Variants in PARD3B observed in about 807,000 individuals in gnomAD.
The protein encoded by PARD3B is partitioning defective 3 homolog B.
A neutral mutation model predicts 130.2 loss-of-function variants in PARD3B; 103 were observed. The observed-to-expected ratio is 0.79, with a 90% CI of 0.67 to 0.93. The LOEUF (loss-of-function observed/expected upper bound fraction) is 0.93, where lower values mean the gene tolerates loss of function less well. PARD3B is among the 40% of genes least tolerant of loss of function. The pLI, the probability that PARD3B is intolerant of heterozygous loss-of-function variation, is 0.00. For synonymous variants in PARD3B, 583 were observed against 553.2 expected (o/e 1.05, Z -0.76); for missense variants, 1,609 against 1,499.2 (o/e 1.07, Z -1.21).
At chr2:205,308,421 A>G (rs1486029413) in intron 18 of PARD3B, among the ~76,000 whole-genome samples, 1 of 152,076 alleles carries the variant, frequency 6.6e-6, no homozygotes, top group Non-Finnish European at 1.5e-5. Flanking sequence ...CCTGGCTAAC[A>G]TGGTGAAACC....
intron 11 of PARD3B, among the ~76,000 whole-genome samples, chr2:205,165,708 G>A (rs1014053063): frequency 6.6e-6 from 1 of 150,392 alleles, no homozygotes. Context: ...ACAAGAGGGA[G>A]AGACTCTGTC....
intron 18 of PARD3B, among the ~76,000 whole-genome samples, chr2:205,371,154 T>A (rs2044800340): frequency 6.6e-6 from 1 of 152,208 alleles, no homozygotes; most frequent in South Asian, 2.1e-4. Flanking sequence ...ATCTTTCCCA[T>A]CACTCTATTA....
intron 21 of PARD3B, among the ~76,000 whole-genome samples, chr2:205,519,547 T>C (rs1288756852): frequency 2.0e-5 from 3 of 152,242 alleles, no homozygotes; most frequent in Non-Finnish European, 4.4e-5. Context: ...ATGATCTTCA[T>C]TCCTATCCAT....
At chr2:205,156,554 AG>A (rs1278108768) in intron 10 of PARD3B, among the ~76,000 whole-genome samples, 15 of 145,706 alleles carry the variant, frequency 1.0e-4, no homozygotes, top group Non-Finnish European at 1.5e-4. Flanking sequence ...AAAAAAAAAA[AG>A]AGAGTCTGAC....
At chr2:205,255,268 A>G (rs1016948040) in intron 16 of PARD3B, among the ~76,000 whole-genome samples, 1 of 152,004 alleles carries the variant, frequency 6.6e-6, no homozygotes, top group Admixed American at 6.5e-5. Context: ...GCCTCAACTC[A>G]CACTTCTGCT....
Position 204,799,076 on chromosome 2 carries a change from T to C in PARD3B, c.222+112794T>C, listed in dbSNP as rs1236043008. On this transcript the variant is annotated intron_variant, in intron 2 of 22. Transcript: ENST00000406610. This position sits in a 1 kb window ranked among gnomAD's most constrained non-coding sequence, Gnocchi z 4.1. Reference sequence around the variant, plus strand: ...GAAGTGGAGCAGCAAATGGGGACCCTGAGTCCAGGCTTTGGCTCCTGGACA... The same window carrying C: ...GAAGTGGAGCAGCAAATGGGGACCCCGAGTCCAGGCTTTGGCTCCTGGACA... Among the ~76,000 whole-genome samples, 3 of 152,068 alleles carry C rather than the reference T, an allele frequency of 2.0e-5. No homozygotes were observed. The highest frequency in any genetic ancestry group is 7.2e-5 in the African/African-American group (3 of 41,410).
At position 204,897,385 on chromosome 2, in the gene PARD3B, G is replaced by GTTTTTTTT. The variant is rs56693580; in HGVS notation, c.223-67757_223-67750dup. Reference sequence around the variant, plus strand: ...TAGAACTATTAAACCTGTAGGTACTGTTTTTTTTTTTTTTTTTGAGAATTT... The same window carrying GTTTTTTTT: ...TAGAACTATTAAACCTGTAGGTACTGTTTTTTTTTTTTTTTTTTTTTTTTTGAGAATTT... On this transcript the variant is annotated intron_variant, in intron 2 of 22. Transcript: ENST00000406610. Among the ~76,000 whole-genome samples the GTTTTTTTT allele has an allele frequency of 1.6e-3, 205 of 127,556 alleles. 5 individuals carry two copies. Among genetic ancestry groups the GTTTTTTTT allele is most frequent in the Non-Finnish European group, 2.7e-3 (167 of 61,846 alleles). 83.7% of individuals were successfully genotyped at this position (127,556 alleles called of 152,430 possible).
chr2:205,126,507 C>T (rs938809417), intron 10 of PARD3B, among the ~76,000 whole-genome samples: 1 of 151,538 alleles, frequency 6.6e-6, no homozygotes, highest in Non-Finnish European at 1.5e-5. Context: ...TTTGGGAGGC[C>T]GAGGCGGGTG....
intron 2 of PARD3B, among the ~76,000 whole-genome samples, chr2:204,759,275 C>G (rs1002986404): frequency 1.4e-4 from 22 of 152,066 alleles, no homozygotes; most frequent in African/African-American, 5.3e-4. Context: ...TAATTTATTT[C>G]AAAATGTAGT....
At chr2:204,949,039 G>C (rs1689557790) in intron 2 of PARD3B, among the ~76,000 whole-genome samples, 1 of 152,162 alleles carries the variant, frequency 6.6e-6, no homozygotes, top group Non-Finnish European at 1.5e-5. Context: ...GGATACCACA[G>C]AATGGCAGGC....
At position 205,253,766 on chromosome 2, in the gene PARD3B, A is replaced by G. The variant is rs543556878; in HGVS notation, c.2185+7944A>G. 1.3e-5 allele frequency among the ~76,000 whole-genome samples: 2 copies of G among 152,272 alleles called. No individual in the cohort carries two copies. Among genetic ancestry groups the G allele is most frequent in the South Asian group, 4.2e-4 (2 of 4,814 alleles). On this transcript the variant is annotated intron_variant, in intron 16 of 22. Coordinates refer to ENST00000406610, the MANE Select transcript of PARD3B (RefSeq NM_001302769.2). This position sits in a 1 kb window ranked among gnomAD's most constrained non-coding sequence, Gnocchi z 4.4. ...GATTCCATATGAGCAAAGTGCAGAA[A>G]GTGAGAAAAAAGGACCAAGTTGGAT...
intron 18 of PARD3B, among the ~76,000 whole-genome samples, chr2:205,393,698 G>A (rs2045932211): frequency 6.6e-6 from 1 of 152,162 alleles, no homozygotes; most frequent in Non-Finnish European, 1.5e-5. Flanking sequence ...ATGTAGGTTG[G>A]TGGTAATAAC....
chr2:204,994,441 G>C (rs1232344527), intron 3 of PARD3B, among the ~76,000 whole-genome samples: 1 of 124,632 alleles, frequency 8.0e-6, no homozygotes, highest in Non-Finnish European at 1.7e-5. Context: ...TGTGGTCTGA[G>C]AGATAGTTTG....
At chr2:205,045,142 C>A (rs1575626299) in intron 3 of PARD3B, among the ~76,000 whole-genome samples, 2 of 148,562 alleles carry the variant, frequency 1.3e-5, no homozygotes, top group Admixed American at 6.7e-5. Flanking sequence ...TTTCAAATAG[C>A]TGATACACTG....
intron 2 of PARD3B, among the ~76,000 whole-genome samples, chr2:204,717,814 A>G (rs1417311716): frequency 6.6e-6 from 1 of 152,172 alleles, no homozygotes; most frequent in Non-Finnish European, 1.5e-5. Context: ...CTGGCACAGC[A>G]GTAGCACAGA....
intron 2 of PARD3B, among the ~76,000 whole-genome samples, chr2:204,952,309 AACCAAAGG>A (rs1689843815): frequency 6.6e-6 from 1 of 151,996 alleles, no homozygotes; most frequent in African/African-American, 2.4e-5. Flanking sequence ...GTGATTTAAA[AACCAAAGG>A]CCCATCAATC....
intron 20 of PARD3B, among the ~76,000 whole-genome samples, chr2:205,469,403 C>T (rs1452002184): frequency 6.6e-6 from 1 of 152,140 alleles, no homozygotes; most frequent in Non-Finnish European, 1.5e-5. Flanking sequence ...CCACATGTTT[C>T]TCCTGGTCTT....
chr2:204,712,613 C>CAAAA (rs1253142601), intron 2 of PARD3B, among the ~76,000 whole-genome samples: 1 of 47,594 alleles, frequency 2.1e-5, no homozygotes, highest in Admixed American at 2.1e-4. Flanking sequence ...GACCCCATCT[C>CAAAA]AAAAAAAAAA....
chr2:205,216,587 C>A (rs979401473), intron 15 of PARD3B, among the ~76,000 whole-genome samples: 2 of 151,826 alleles, frequency 1.3e-5, no homozygotes, highest in African/African-American at 4.8e-5. Flanking sequence ...AAAAGAAATG[C>A]AGATATTTAA....
Sources: gnomAD v4.1 joint callset for allele counts (sites outside exome capture counted in the v4.1 genomes callset) on GRCh38, gnomAD v4.1.1 for gene constraint, Gnocchi (gnomAD v3.1) non-coding constraint, MANE v1.5 for transcripts, NCBI Gene and HGNC (gene_info 2026-07-23, HGNC 2026-07-21) for gene names.